ZNF736: variants seen among roughly 807,000 people sequenced by gnomAD.
The protein encoded by ZNF736 is zinc finger protein 736.
ZNF736 carries 6 observed loss-of-function variants against 11.7 expected under a neutral mutation model. The ratio of observed to expected loss-of-function variants is 0.51; its 90% CI spans 0.28 to 1.01. The LOEUF is 1.01. Among genes scored for constraint, ZNF736 ranks in the 50% least tolerant of loss-of-function variants. ZNF736 has a pLI of 0.09. For missense variants in ZNF736, 444 were observed against 496.0 expected, an observed-to-expected ratio of 0.90 and a Z score of 1.00; for synonymous variants, 139 against 164.7, an observed-to-expected ratio of 0.84 and a Z score of 1.19.
In ZNF736 at chr7:64,328,638, T is replaced by A. The variant is rs547892953; in HGVS notation, c.4-7621T>A. Among the ~76,000 whole-genome samples, 430 of 152,244 alleles carry A rather than the reference T, an allele frequency of 2.8e-3. 3 individuals carry two copies. The highest frequency in any genetic ancestry group is 3.6e-3 in the Non-Finnish European group (248 of 68,016). On this transcript the variant is annotated intron_variant, in intron 1 of 3. Transcript: ENST00000423484. ...TTAGCCAGGTGTGGTGGCGGGCTCC[T>A]GTAGTCCCAGCTACTTGGGAGGCTG... is the stretch of plus-strand genomic sequence containing the variant.
At chr7:64,337,130 G>C (rs780059081) in intron 3 of ZNF736, 148 bp downstream of exon 3, 1 of 715,038 alleles carries the variant, frequency 1.4e-6, no homozygotes, top group Non-Finnish European at 2.3e-6. Context: ...CTTTAACATA[G>C]GGACATTTTT....
chr7:64,344,849 G>A (rs1406212411), intron 3 of ZNF736, among the ~76,000 whole-genome samples: 2 of 151,954 alleles, frequency 1.3e-5, no homozygotes, highest in African/African-American at 2.4e-5. Flanking sequence ...CAGTACCAAA[G>A]TGCTTTGATT....
At position 64,349,579 on chromosome 7, in the gene ZNF736, T is replaced by C. The variant is rs1789459268; in HGVS notation, c.*432T>C. The C allele has an allele frequency of 6.3e-6, 1 of 158,354 alleles. No individual in the cohort carries two copies. The highest frequency in any genetic ancestry group is 1.4e-5 in the Non-Finnish European group (1 of 71,866). 9.8% of individuals were successfully genotyped at this position (158,354 alleles called of 1,614,324 possible). A position where few individuals can be genotyped will look rare whatever the true frequency, so the allele number is the denominator to read the frequency against. On this transcript the variant is annotated 3_prime_UTR_variant, in exon 4 of 4. Transcript: ENST00000423484. ...CATTTACATTTAAGGTTAGTATTCATATGTGTGGATTGGATTCTGTTATTA... is the reference window on the plus strand; with the variant it reads ...CATTTACATTTAAGGTTAGTATTCACATGTGTGGATTGGATTCTGTTATTA...
At chr7:64,331,646 A>C (rs1789168640) in intron 1 of ZNF736, among the ~76,000 whole-genome samples, 1 of 152,178 alleles carries the variant, frequency 6.6e-6, no homozygotes, top group African/African-American at 2.4e-5. Flanking sequence ...CTTCCCTTGC[A>C]GCCATGTTGT....
chr7:64,338,938 G>T (rs1789297828), intron 3 of ZNF736, among the ~76,000 whole-genome samples: 3 of 151,032 alleles, frequency 2.0e-5, no homozygotes, highest in South Asian at 2.1e-4. Context: ...CTAAAAAATT[G>T]TACGTCACTA....
In ZNF736 at chr7:64,356,188, G is replaced by A. The variant is rs1789551722; in HGVS notation, c.*7041G>A. ...ACGTCTTAAAATCTGTTCATTATCA[G>A]ATGCTGAAAGATAAAGAGCAAGTAA... On this transcript the variant is annotated 3_prime_UTR_variant, in exon 4 of 4. Transcript: ENST00000423484. 1 of 152,216 alleles carries A rather than the reference G, an allele frequency of 6.6e-6. No homozygotes were observed. Among genetic ancestry groups the A allele is most frequent in the South Asian group, 2.1e-4 (1 of 4,832 alleles). The allele number at this position is 152,216 out of a possible 1,614,324, so 9.4% of individuals were successfully genotyped here. A position where few individuals can be genotyped will look rare whatever the true frequency, so the allele number is the denominator to read the frequency against.
At chr7:64,345,013 A>ATTTAT (rs1789388497) in intron 3 of ZNF736, among the ~76,000 whole-genome samples, 1 of 141,874 alleles carries the variant, frequency 7.0e-6, no homozygotes, top group Non-Finnish European at 1.5e-5. Flanking sequence ...AATTTATTTT[A>ATTTAT]TTATTTATTT....
intron 3 of ZNF736, among the ~76,000 whole-genome samples, chr7:64,342,459 A>T (rs987628997): frequency 2.6e-5 from 4 of 152,176 alleles, no homozygotes; most frequent in African/African-American, 9.6e-5. Context: ...ACTGTGGAAT[A>T]GTTGATTTTA....
At position 64,348,202 on chromosome 7, in the gene ZNF736, A is replaced by G. The variant is rs745655089; in HGVS notation, c.339A>G (p.Leu113=). The G allele has an allele frequency of 1.3e-6, 2 of 1,551,562 alleles. No homozygotes were observed. Among genetic ancestry groups the G allele is most frequent in the African/African-American group, 1.4e-5 (1 of 73,038 alleles). The change falls in exon 4 of 4, where the codon TTA becomes TTG. Residue 113 remains leucine (L), a synonymous_variant. Transcript: ENST00000423484. ...GCTGTGACCTTAATAATTTACATTTAAAGAAAGACTACCAAAGTGTGGGTA... is the reference window on the plus strand; with the variant it reads ...GCTGTGACCTTAATAATTTACATTTGAAGAAAGACTACCAAAGTGTGGGTA... ...YGSCDLNNLH[L]KKDYQSVGNC...
chr7:64,344,434 A>T (rs1646642929), intron 3 of ZNF736, among the ~76,000 whole-genome samples: 1 of 152,248 alleles, frequency 6.6e-6, no homozygotes, highest in Admixed American at 6.5e-5. Context: ...TGCTATACAC[A>T]TGAATCCACT....
intron 1 of ZNF736, among the ~76,000 whole-genome samples, chr7:64,318,770 A>G (rs531471126): frequency 6.6e-6 from 1 of 152,324 alleles, no homozygotes; most frequent in African/African-American, 2.4e-5. Flanking sequence ...ATAGACATAT[A>G]TATACATGTA....
At chr7:64,315,510 G>A (rs1267338318) in intron 1 of ZNF736, among the ~76,000 whole-genome samples, 1 of 152,128 alleles carries the variant, frequency 6.6e-6, no homozygotes, top group Admixed American at 6.5e-5. Context: ...CTTGTGGTTG[G>A]TTAAGCCTAA....
intron 3 of ZNF736, among the ~76,000 whole-genome samples, chr7:64,344,329 T>C (rs1385727711): frequency 6.6e-6 from 1 of 152,162 alleles, no homozygotes; most frequent in East Asian, 1.9e-4. Context: ...AAATGTATAC[T>C]CTTTAATATT....
At chr7:64,335,223 T>C (rs1343342664) in intron 1 of ZNF736, among the ~76,000 whole-genome samples, 1 of 151,930 alleles carries the variant, frequency 6.6e-6, no homozygotes, top group East Asian at 1.9e-4. Flanking sequence ...GACGGGTTGA[T>C]AGGTGCAGCA....
At chr7:64,342,414 C>G (rs1033470664) in intron 3 of ZNF736, among the ~76,000 whole-genome samples, 2 of 152,112 alleles carry the variant, frequency 1.3e-5, no homozygotes, top group African/African-American at 2.4e-5. Flanking sequence ...AGGAACTAAA[C>G]TTAGAAATTT....
At position 64,348,866 on chromosome 7, in the gene ZNF736, C is replaced by T; in HGVS notation, c.1003C>T (p.His335Tyr). 1 of 1,606,686 alleles carries T rather than the reference C, an allele frequency of 6.2e-7. No homozygotes were observed. Among genetic ancestry groups the T allele is most frequent in the Non-Finnish European group, 8.5e-7 (1 of 1,176,434 alleles). The change falls in exon 4 of 4, where the codon CAT (histidine) becomes TAT (tyrosine). Residue 335 changes from histidine (H) to tyrosine (Y), a missense_variant. Transcript: ENST00000423484. The part of the protein sequence containing the change: ...FSALSKHKRI[H>Y]TGEKPYICEE... ...GGCCCTTAGTAAACATAAGAGAATT[C>T]ATACTGGAGAGAAACCCTACATCTG...
At chr7:64,324,454 A>G (rs1789055026) in intron 1 of ZNF736, among the ~76,000 whole-genome samples, 1 of 152,184 alleles carries the variant, frequency 6.6e-6, no homozygotes, top group Admixed American at 6.5e-5. Flanking sequence ...CAGGGTCAAC[A>G]GGAACTGAGG....
chr7:64,329,380 C>A (rs1233055160), intron 1 of ZNF736, among the ~76,000 whole-genome samples: 1 of 152,006 alleles, frequency 6.6e-6, no homozygotes, highest in Non-Finnish European at 1.5e-5. Flanking sequence ...CTTTTTAATA[C>A]CTGTCTTTCT....
intron 1 of ZNF736, among the ~76,000 whole-genome samples, chr7:64,327,053 T>G (rs1789092700): frequency 6.6e-6 from 1 of 152,220 alleles, no homozygotes; most frequent in South Asian, 2.1e-4. Context: ...TAAATTTCTA[T>G]TAGGTCTATT....
Sources: allele counts gnomAD v4.1 joint callset (sites outside exome capture counted in the v4.1 genomes callset), GRCh38; gene constraint gnomAD v4.1.1; transcripts MANE v1.5; gene names NCBI Gene and HGNC (gene_info 2026-07-23, HGNC 2026-07-21).